The following KCNK10 variants were observed in gnomAD, a reference collection of about 807,000 sequenced individuals.
KCNK10 encodes potassium channel subfamily K member 10.
Under a neutral mutation model 47.7 loss-of-function variants are expected in KCNK10, and 25 were observed. The ratio of observed to expected loss-of-function variants is 0.52; its 90% confidence interval spans 0.38 to 0.73. The LOEUF is 0.73. KCNK10 is among the 30% of genes least tolerant of loss of function. The pLI, the probability that KCNK10 is intolerant of heterozygous loss-of-function variation, is 0.00. For synonymous variants in KCNK10, 303 were observed against 285.6 expected (o/e 1.06, Z -0.61); for missense variants, 563 against 714.5 (o/e 0.79, Z 2.42).
upstream of KCNK10, among the ~76,000 whole-genome samples, chr14:88,325,827 A>T (rs1888649102): frequency 6.6e-6 from 1 of 152,160 alleles, no homozygotes; most frequent in Non-Finnish European, 1.5e-5. Context: ...ATCAACAAAC[A>T]TTTATTGAGC....
At position 88,183,239 on chromosome 14, in the gene KCNK10, T is replaced by C. The variant is rs753166191; in HGVS notation, c.*2296A>G. 1.3e-5 allele frequency: 2 copies of C among 152,218 alleles called. No individual in the cohort carries two copies. The highest frequency in any genetic ancestry group is 1.3e-4 in the Admixed American group (2 of 15,280). 9.4% of individuals were successfully genotyped at this position (152,218 alleles called of 1,614,324 possible). ...AATGGGTTTGCAAATACTTCCCACA[T>C]AGTGTCGTGAAGTTTCAATGAGCTG... is the stretch of plus-strand genomic sequence containing the variant. On this transcript the variant is annotated 3_prime_UTR_variant, in exon 7 of 7. Transcript: ENST00000319231.
chr14:88,185,024 T>A lies in KCNK10; in HGVS notation c.*511A>T, dbSNP rs940786319. 5 of 157,786 alleles carry A rather than the reference T, an allele frequency of 3.2e-5. No individual in the cohort carries two copies. Among genetic ancestry groups the A allele is most frequent in the African/African-American group, 7.2e-5 (3 of 41,492 alleles). The allele number at this position is 157,786 out of a possible 1,614,324, so 9.8% of individuals were successfully genotyped here. On this transcript the variant is annotated 3_prime_UTR_variant, in exon 7 of 7. Transcript: ENST00000319231. This position sits in a 1 kb window ranked among gnomAD's most constrained non-coding sequence, Gnocchi z 4.3. ...ATTTGGAGCATAGAAAGACTAGGTA[T>A]GATGCACTGAATGGTTGGTATCAAA...
At chr14:88,197,869 A>AGAGAGAGG (rs1884972280) in intron 4 of KCNK10, among the ~76,000 whole-genome samples, 1 of 148,458 alleles carries the variant, frequency 6.7e-6, no homozygotes, top group African/African-American at 2.5e-5. Context: ...GGAGAGAGAG[A>AGAGAGAGG]GAGAGAGAGA....
intron 3 of KCNK10, among the ~76,000 whole-genome samples, chr14:88,228,144 T>C (rs1424647370): frequency 6.6e-6 from 1 of 152,208 alleles, no homozygotes; most frequent in Admixed American, 6.5e-5. Flanking sequence ...CATCTGGTTT[T>C]TTTCTCTTTA....
chr14:88,323,027 G>C lies in KCNK10; in HGVS notation c.-229C>G, dbSNP rs1407899448. On this transcript the variant is annotated 5_prime_UTR_variant, in exon 1 of 7. Coordinates refer to ENST00000319231, the MANE Select transcript of KCNK10 (RefSeq NM_138317.3). The stretch of plus-strand genomic sequence containing the variant: ...CACCGGCCAGGGGGTGGCCGGCCGC[G>C]GCCCCGTGGGTAAAAGAAAAAGTAA... 2.2e-6 allele frequency: 3 copies of C among 1,349,142 alleles called. No homozygotes were observed. Among genetic ancestry groups the C allele is most frequent in the East Asian group, 2.9e-5 (1 of 34,220 alleles). 83.6% of individuals were successfully genotyped at this position (1,349,142 alleles called of 1,614,324 possible). A position where few individuals can be genotyped will look rare whatever the true frequency, so the allele number is the denominator to read the frequency against.
Position 88,235,992 on chromosome 14 carries a change from A to C in KCNK10, c.520+4711T>G, listed in dbSNP as rs149099325. The stretch of plus-strand genomic sequence containing the variant: ...AACAGCTGCATAAAAACTGGGAAAC[A>C]GAAGAGCAACACCTGTGAGACCAGT... On this transcript the variant is annotated intron_variant, in intron 3 of 6. Transcript: ENST00000319231. Among the ~76,000 whole-genome samples, 23 of 152,344 alleles carry C rather than the reference A, an allele frequency of 1.5e-4. No individual in the cohort carries two copies. In the East Asian group the frequency reaches 4.4e-3, roughly 29 times the overall value.
intron 2 of KCNK10, among the ~76,000 whole-genome samples, chr14:88,251,010 A>C (rs983624547): frequency 6.6e-6 from 1 of 152,058 alleles, no homozygotes; most frequent in African/African-American, 2.4e-5. Flanking sequence ...CGAGGTGGGC[A>C]GATCACAAGG....
intron 1 of KCNK10, among the ~76,000 whole-genome samples, chr14:88,309,789 C>G (rs1329732620): frequency 6.6e-6 from 1 of 152,046 alleles, no homozygotes; most frequent in Non-Finnish European, 1.5e-5. Context: ...CCTAAGAAGC[C>G]TCAATGGACT....
chr14:88,288,230 T>G (rs1887808542), intron 1 of KCNK10, among the ~76,000 whole-genome samples: 1 of 152,210 alleles, frequency 6.6e-6, no homozygotes, highest in Admixed American at 6.5e-5. Context: ...CACTATTTAA[T>G]TTTTACACTT....
chr14:88,298,563 C>T (rs1392015573), intron 1 of KCNK10, among the ~76,000 whole-genome samples: 1 of 152,188 alleles, frequency 6.6e-6, no homozygotes, highest in African/African-American at 2.4e-5. Context: ...CTAGTGGGTC[C>T]TCAGCCCTCT....
chr14:88,302,503 A>G (rs1888122204), intron 1 of KCNK10, among the ~76,000 whole-genome samples: 2 of 152,234 alleles, frequency 1.3e-5, no homozygotes, highest in South Asian at 4.1e-4. Flanking sequence ...TGAGGTCAGG[A>G]GTTCAAGACC....
chr14:88,211,141 G>A (rs925143483), intron 4 of KCNK10, among the ~76,000 whole-genome samples: 9 of 152,128 alleles, frequency 5.9e-5, no homozygotes, highest in African/African-American at 1.9e-4. Context: ...GGCAAAATGT[G>A]GTATATACAG....
At chr14:88,272,587 A>C (rs1887431929) in intron 1 of KCNK10, among the ~76,000 whole-genome samples, 4 of 152,146 alleles carry the variant, frequency 2.6e-5, no homozygotes, top group Admixed American at 2.6e-4. Flanking sequence ...AGATGGCTAC[A>C]CCAAAATAAA....
rs373732858 is a variant in KCNK10 at position 88,185,882 on chromosome 14, G to C, written c.1285C>G (p.Arg429Gly). Residue 429 changes from arginine (R) to glycine (G), a missense_variant, in exon 7 of 7, where the codon CGC becomes GGC. Transcript: ENST00000319231. This position sits in a 1 kb window ranked among gnomAD's most constrained non-coding sequence, Gnocchi z 4.3. ...TTCAGCTGCTCCGGCCCCTTCAGGCGCAGGTTGTTGGGCCGGTTGTTGATG... is the reference window on the plus strand; with the variant it reads ...TTCAGCTGCTCCGGCCCCTTCAGGCCCAGGTTGTTGGGCCGGTTGTTGATG... Reference protein sequence around the residue: ...ESINNRPNNLRLKGPEQLNKH... With the variant: ...ESINNRPNNLGLKGPEQLNKH... 6.2e-7 allele frequency: 1 copy of C among 1,614,078 alleles called. No homozygotes were observed. Among genetic ancestry groups the C allele is most frequent in the South Asian group, 1.1e-5 (1 of 91,068 alleles).
intron 4 of KCNK10, among the ~76,000 whole-genome samples, chr14:88,203,813 A>C (rs1885176717): frequency 6.6e-6 from 1 of 152,166 alleles, no homozygotes; most frequent in African/African-American, 2.4e-5. Flanking sequence ...GCAATCCAGA[A>C]GGAGCTGATG....
intron 1 of KCNK10, among the ~76,000 whole-genome samples, chr14:88,302,068 T>A (rs1320676628): frequency 6.6e-6 from 1 of 152,124 alleles, no homozygotes; most frequent in African/African-American, 2.4e-5. Context: ...GTGTTCTAGA[T>A]ATCGTATCAG....
At chr14:88,254,708 G>A (rs918472554) in intron 2 of KCNK10, among the ~76,000 whole-genome samples, 2 of 152,104 alleles carry the variant, frequency 1.3e-5, no homozygotes, top group African/African-American at 2.4e-5. Flanking sequence ...AAGCAATTGC[G>A]GCATGTGAGG....
Position 88,210,706 on chromosome 14 carries a change from C to T in KCNK10, c.681+16669G>A, listed in dbSNP as rs370672119. On this transcript the variant is annotated intron_variant, in intron 4 of 6. Transcript: ENST00000319231. The stretch of plus-strand genomic sequence containing the variant: ...AGGTGCAAGAGGGAAGCAAGGCTAA[C>T]GGCACAGCCTCTCCACTTAGTCCCC... Among the ~76,000 whole-genome samples the T allele has an allele frequency of 6.3e-4, 96 of 152,046 alleles. 3 individuals carry two copies. The South Asian group carries it at 0.015, about 23-fold the overall frequency.
intron 1 of KCNK10, among the ~76,000 whole-genome samples, chr14:88,305,177 T>A (rs1375673065): frequency 1.3e-5 from 2 of 150,674 alleles, no homozygotes; most frequent in African/African-American, 4.9e-5. Context: ...CCCACCTGGG[T>A]GATAGAACAA....
Sources: allele counts gnomAD v4.1 joint callset (sites outside exome capture counted in the v4.1 genomes callset), GRCh38; gene constraint gnomAD v4.1.1; non-coding constraint Gnocchi (gnomAD v3.1); transcripts MANE v1.5; gene names NCBI Gene and HGNC (gene_info 2026-07-23, HGNC 2026-07-21).